The following TMEM233 variants were observed in gnomAD, a reference collection of about 807,000 sequenced individuals.
TMEM233 encodes dispanin subfamily B member 2.
TMEM233 carries 6 observed loss-of-function variants against 11.2 expected under a neutral mutation model. The observed-to-expected ratio is 0.54, with a 90% CI of 0.29 to 1.06. TMEM233 has a LOEUF of 1.06. TMEM233 is among the 50% of genes least tolerant of loss of function. The probability of loss-of-function intolerance (pLI) is 0.08; values close to 1 mark genes in which losing one functional copy is unlikely to be tolerated. For synonymous variants in TMEM233, 59 were observed against 55.8 expected (o/e 1.06, Z -0.26); for missense variants, 127 against 144.7 (o/e 0.88, Z 0.63).
chr12:119,615,057 TC>T (rs1203591364), intron 1 of TMEM233, among the ~76,000 whole-genome samples: 2 of 150,274 alleles, frequency 1.3e-5, no homozygotes, highest in African/African-American at 2.5e-5. Flanking sequence ...AAAAGTTCTT[TC>T]CCCCCTCCAG....
intron 1 of TMEM233, among the ~76,000 whole-genome samples, chr12:119,623,553 C>CAAAAAAAAAAAAA (rs57936432): frequency 2.2e-5 from 3 of 135,724 alleles, no homozygotes; most frequent in Admixed American, 7.4e-5. Flanking sequence ...ACCAAAAATA[C>CAAAAAAAAAAAAA]AAAAAAAAAA....
At chr12:119,613,543 G>C (rs1349314617) in intron 1 of TMEM233, among the ~76,000 whole-genome samples, 1 of 152,232 alleles carries the variant, frequency 6.6e-6, no homozygotes, top group Non-Finnish European at 1.5e-5. Context: ...GCTGAGTACA[G>C]TGGCTCATGC....
chr12:119,605,931 C>G lies in TMEM233; in HGVS notation c.186+11897C>G, dbSNP rs188666182. Among the ~76,000 whole-genome samples, 141 of 152,086 alleles carry G rather than the reference C, an allele frequency of 9.3e-4. No homozygotes were observed. The Middle Eastern group carries it at 0.017, about 18-fold the overall frequency. On this transcript the variant is annotated intron_variant, in intron 1 of 2. Coordinates refer to ENST00000426426, the MANE Select transcript of TMEM233 (RefSeq NM_001136534.3). ...TGAAAATATTTATGGAGAGAAAAAG[C>G]CCAAAAGCCCAAGAAGAAGAGAGAC...
the TMEM233 span, among the ~76,000 whole-genome samples, chr12:119,653,391 C>CAAAA: frequency 0.048 from 3,811 of 79,764 alleles, 204 homozygotes; most frequent in Non-Finnish European, 0.059. Flanking sequence ...GACGCCACCT[C>CAAAA]AAAAAAAAAA....
the TMEM233 span, among the ~76,000 whole-genome samples, chr12:119,651,776 G>A: frequency 7.3e-5 from 10 of 136,226 alleles, no homozygotes; most frequent in South Asian, 2.3e-4. Flanking sequence ...GCAGTGAGCC[G>A]AGATCATTCC....
downstream of TMEM233, among the ~76,000 whole-genome samples, chr12:119,643,234 G>A (rs149808275): frequency 2.6e-5 from 4 of 152,058 alleles, no homozygotes; most frequent in Admixed American, 2.6e-4. Flanking sequence ...TTTATGGCCA[G>A]AAATGTCCCT....
At chr12:119,605,632 T>G (rs931403424) in intron 1 of TMEM233, among the ~76,000 whole-genome samples, 7 of 151,988 alleles carry the variant, frequency 4.6e-5, no homozygotes, top group Non-Finnish European at 8.8e-5. Context: ...GTTCACCATG[T>G]TGCCCAGGCT....
At chr12:119,608,528 G>A (rs1454257240) in intron 1 of TMEM233, among the ~76,000 whole-genome samples, 3 of 152,212 alleles carry the variant, frequency 2.0e-5, no homozygotes, top group Non-Finnish European at 2.9e-5. Context: ...GCCAAAGACA[G>A]AGAAAGCCTG....
At position 119,594,334 on chromosome 12, in the gene TMEM233, T is replaced by G; in HGVS notation, c.186+300T>G. 2.7e-6 allele frequency: 1 copy of G among 367,218 alleles called. No homozygotes were observed. Among genetic ancestry groups the G allele is most frequent in the Non-Finnish European group, 5.0e-6 (1 of 201,020 alleles). 22.7% of individuals were successfully genotyped at this position (367,218 alleles called of 1,614,324 possible). Reference sequence around the variant, plus strand: ...TTTCCTCTCCAACCCGGGGAAGTTCTTCCGTGGACTTTGCTGACTCCTCTG... The same window carrying G: ...TTTCCTCTCCAACCCGGGGAAGTTCGTCCGTGGACTTTGCTGACTCCTCTG... On this transcript the variant is annotated intron_variant, in intron 1 of 2. Transcript: ENST00000426426. This position sits in a 1 kb window ranked among gnomAD's most constrained non-coding sequence, Gnocchi z 5.6.
At chr12:119,627,702 G>A (rs1311040445) in intron 1 of TMEM233, among the ~76,000 whole-genome samples, 8 of 152,280 alleles carry the variant, frequency 5.3e-5, no homozygotes, top group South Asian at 2.1e-4. Flanking sequence ...TGGGGATCAC[G>A]TTTACACATG....
intron 2 of TMEM233, among the ~76,000 whole-genome samples, chr12:119,638,476 A>G (rs538758306): frequency 1.3e-5 from 2 of 152,138 alleles, no homozygotes; most frequent in African/African-American, 4.8e-5. Flanking sequence ...AAATTAAAAC[A>G]AAAAAATTTT....
intron 2 of TMEM233, chr12:119,631,523 A>G (rs1026818466): frequency 3.0e-6 from 3 of 985,262 alleles, no homozygotes; most frequent in Admixed American, 6.2e-5. Flanking sequence ...ATGAAAGGAA[A>G]CTCAAGGTTT....
intron 2 of TMEM233, among the ~76,000 whole-genome samples, chr12:119,640,269 C>T (rs1955059088): frequency 6.6e-6 from 1 of 152,332 alleles, no homozygotes; most frequent in Middle Eastern, 3.4e-3. Flanking sequence ...ATTCTCCTGC[C>T]TCAGCCTCCC....
chr12:119,637,521 A>G (rs1954989583), intron 2 of TMEM233, among the ~76,000 whole-genome samples: 1 of 152,238 alleles, frequency 6.6e-6, no homozygotes, highest in Admixed American at 6.5e-5. Context: ...AGACATACAT[A>G]TCAAGGTGGA....
chr12:119,597,772 G>A (rs889199650), intron 1 of TMEM233, among the ~76,000 whole-genome samples: 4 of 152,158 alleles, frequency 2.6e-5, no homozygotes, highest in African/African-American at 4.8e-5. Flanking sequence ...CATTGTCAGG[G>A]ACACAGAAGT....
At chr12:119,648,740 T>TAATG in the TMEM233 span, among the ~76,000 whole-genome samples, 1 of 152,180 alleles carries the variant, frequency 6.6e-6, no homozygotes, top group African/African-American at 2.4e-5. Flanking sequence ...AATAGTTATT[T>TAATG]AATGAATGAA....
the TMEM233 span, among the ~76,000 whole-genome samples, chr12:119,649,854 T>TAAAAAAA: frequency 3.9e-4 from 36 of 91,304 alleles, 1 homozygote; most frequent in Middle Eastern, 8.9e-3. Context: ...GTTTAACTAT[T>TAAAAAAA]AAAAAAAAAA....
At chr12:119,599,146 T>G (rs1954105562) in intron 1 of TMEM233, among the ~76,000 whole-genome samples, 1 of 152,230 alleles carries the variant, frequency 6.6e-6, no homozygotes. Flanking sequence ...TTTCGATTAA[T>G]CGTGAAATAT....
Position 119,594,323 on chromosome 12 carries a change from CG to C in TMEM233, c.186+293del. 1 of 393,136 alleles carries C rather than the reference CG, an allele frequency of 2.5e-6. No individual in the cohort carries two copies. The highest frequency in any genetic ancestry group is 4.6e-6 in the Non-Finnish European group (1 of 217,296). The allele number at this position is 393,136 out of a possible 1,614,324, so 24.4% of individuals were successfully genotyped here. On this transcript the variant is annotated intron_variant, in intron 1 of 2. Transcript: ENST00000426426. This position sits in a 1 kb window ranked among gnomAD's most constrained non-coding sequence, Gnocchi z 5.6. The stretch of plus-strand genomic sequence containing the variant: ...CCCAGGGTGCGTTTCCTCTCCAACC[CG>C]GGGAAGTTCTTCCGTGGACTTTGCT...
Sources: allele counts gnomAD v4.1 joint callset (sites outside exome capture counted in the v4.1 genomes callset), GRCh38; gene constraint gnomAD v4.1.1; non-coding constraint Gnocchi (gnomAD v3.1); transcripts MANE v1.5; gene names NCBI Gene and HGNC (gene_info 2026-07-23, HGNC 2026-07-21).